Variants in RHOJ observed in about 807,000 individuals in gnomAD.
The protein encoded by RHOJ is rho-related GTP-binding protein RhoJ.
In RHOJ, 11 loss-of-function variants were observed where a neutral mutation model predicts 23.4. The ratio of observed to expected loss-of-function variants is 0.47; its 90% CI spans 0.30 to 0.78. The LOEUF (loss-of-function observed/expected upper bound fraction) is 0.78. RHOJ is among the 30% of genes least tolerant of loss of function. The probability of loss-of-function intolerance (pLI) is 0.08; values close to 1 mark genes in which losing one functional copy is unlikely to be tolerated. For missense variants in RHOJ, 254 were observed against 273.4 expected (o/e 0.93, Z 0.50); for synonymous variants, 102 against 102.7 (o/e 0.99, Z 0.04).
At position 63,257,274 on chromosome 14, in the gene RHOJ, C is replaced by T. The variant is rs1027460540; in HGVS notation, c.179-11836C>T. Among the ~76,000 whole-genome samples, 16 of 147,758 alleles carry T rather than the reference C, an allele frequency of 1.1e-4. 1 individual carries two copies. The highest frequency in any genetic ancestry group is 3.8e-4 in the African/African-American group (15 of 39,846). On this transcript the variant is annotated intron_variant, in intron 1 of 4. Coordinates refer to ENST00000316754, the MANE Select transcript of RHOJ (RefSeq NM_020663.5). ...AAAAAAAAAAGAGTCTCTTTACCAGCTCACCCCGACCCAGTCCCCAGCATC... is the reference window on the plus strand; with the variant it reads ...AAAAAAAAAAGAGTCTCTTTACCAGTTCACCCCGACCCAGTCCCCAGCATC...
chr14:63,284,835 T>G (rs980699605), intron 4 of RHOJ, among the ~76,000 whole-genome samples: 1 of 151,010 alleles, frequency 6.6e-6, no homozygotes, highest in Non-Finnish European at 1.5e-5. Flanking sequence ...GGGGAAGTTG[T>G]TTTTTTTCTG....
At chr14:63,241,473 A>C (rs916062606) in intron 1 of RHOJ, among the ~76,000 whole-genome samples, 6 of 152,150 alleles carry the variant, frequency 3.9e-5, no homozygotes, top group Admixed American at 3.3e-4. Context: ...ATGGCTTGCC[A>C]ATAGTTTTTG....
intron 2 of RHOJ, among the ~76,000 whole-genome samples, chr14:63,273,009 G>A (rs1205784796): frequency 6.6e-6 from 1 of 152,152 alleles, no homozygotes; most frequent in Non-Finnish European, 1.5e-5. Context: ...GGCAACAAGA[G>A]CAAAACTCCA....
Position 63,224,850 on chromosome 14 carries a change from T to A in RHOJ, c.178+19803T>A, listed in dbSNP as rs140992734. ...GAGCCCTGAGCTAACCCCCAGCCCC[T>A]CGACCCCATCTCAATTTTGGAAGTG... On this transcript the variant is annotated intron_variant, in intron 1 of 4. Coordinates refer to ENST00000316754, the MANE Select transcript of RHOJ (RefSeq NM_020663.5). Among the ~76,000 whole-genome samples, 607 of 152,168 alleles carry A rather than the reference T, an allele frequency of 4.0e-3. 2 individuals carry two copies. The highest frequency in any genetic ancestry group is 0.017 in the South Asian group (83 of 4,812).
intron 2 of RHOJ, among the ~76,000 whole-genome samples, chr14:63,276,118 T>C (rs1881711215): frequency 6.6e-6 from 1 of 152,252 alleles, no homozygotes; most frequent in Admixed American, 6.5e-5. Context: ...AACAGTCACC[T>C]GTGGTTCTGA....
intron 2 of RHOJ, among the ~76,000 whole-genome samples, chr14:63,274,913 A>G (rs546234554): frequency 6.6e-6 from 1 of 152,286 alleles, no homozygotes; most frequent in Admixed American, 6.5e-5. Context: ...AAAAAATCTG[A>G]GATAAATGTC....
At chr14:63,215,003 G>T (rs1894324023) in intron 1 of RHOJ, among the ~76,000 whole-genome samples, 2 of 152,152 alleles carry the variant, frequency 1.3e-5, no homozygotes, top group Non-Finnish European at 2.9e-5. Flanking sequence ...CTTTGGGGTG[G>T]TTTTGATGCA....
rs1339789136 is a variant in RHOJ, at chr14:63,217,182, A to C, written c.178+12135A>C. Among the ~76,000 whole-genome samples, 6 of 150,262 alleles carry C rather than the reference A, an allele frequency of 4.0e-5. No homozygotes were observed. The South Asian group carries it at 1.3e-3, about 32-fold the overall frequency. On this transcript the variant is annotated intron_variant, in intron 1 of 4. Coordinates refer to ENST00000316754, the MANE Select transcript of RHOJ (RefSeq NM_020663.5). ...TACATGTGCCATGCTGGTGCGCTGC[A>C]CCCACTAACTCGTCATCTAGCATTA...
intron 2 of RHOJ, among the ~76,000 whole-genome samples, chr14:63,270,850 T>C (rs1184373963): frequency 1.3e-5 from 2 of 152,242 alleles, no homozygotes; most frequent in African/African-American, 4.8e-5. Flanking sequence ...TGCTGCCCAG[T>C]CAGTTGTCCC....
chr14:63,214,936 C>G (rs1318079673), intron 1 of RHOJ, among the ~76,000 whole-genome samples: 1 of 152,044 alleles, frequency 6.6e-6, no homozygotes, highest in African/African-American at 2.4e-5. Flanking sequence ...TTAGAGAGCA[C>G]CTGCCCTCAT....
chr14:63,234,599 T>C (rs900817810), intron 1 of RHOJ, among the ~76,000 whole-genome samples: 60 of 152,322 alleles, frequency 3.9e-4, no homozygotes, highest in Non-Finnish European at 1.0e-4. Context: ...ATCTAAAGCC[T>C]TTGAATATAT....
chr14:63,284,166 T>C, intron 4 of RHOJ: 4 of 942,142 alleles, frequency 4.2e-6, no homozygotes, highest in Non-Finnish European at 5.1e-6. Flanking sequence ...ATTCTTCACT[T>C]ACAAAATTGT....
intron 1 of RHOJ, among the ~76,000 whole-genome samples, chr14:63,231,396 A>C (rs1159245408): frequency 6.6e-6 from 1 of 152,210 alleles, no homozygotes; most frequent in Non-Finnish European, 1.5e-5. Flanking sequence ...CAACTACTCA[A>C]ATAAAGTAAA....
intron 1 of RHOJ, among the ~76,000 whole-genome samples, chr14:63,251,950 A>G (rs1402070739): frequency 1.3e-5 from 2 of 151,964 alleles, no homozygotes; most frequent in Non-Finnish European, 2.9e-5. Flanking sequence ...GCAAAATCCC[A>G]TCTCTACTAA....
chr14:63,249,657 A>G (rs1286664757), intron 1 of RHOJ, among the ~76,000 whole-genome samples: 1 of 152,208 alleles, frequency 6.6e-6, no homozygotes, highest in Non-Finnish European at 1.5e-5. Context: ...ATTCCTTCTC[A>G]ATCTTGTTTT....
intron 1 of RHOJ, among the ~76,000 whole-genome samples, chr14:63,232,857 G>A (rs1233661615): frequency 1.3e-5 from 2 of 151,586 alleles, no homozygotes; most frequent in Non-Finnish European, 2.9e-5. Context: ...CCACCATGCT[G>A]GGCTAATTTT....
At chr14:63,257,535 C>T (rs1895192114) in intron 1 of RHOJ, among the ~76,000 whole-genome samples, 1 of 150,144 alleles carries the variant, frequency 6.7e-6, no homozygotes, top group Non-Finnish European at 1.5e-5. Flanking sequence ...GTGAGCCAGG[C>T]CCGAACAGCC....
intron 1 of RHOJ, among the ~76,000 whole-genome samples, chr14:63,212,588 G>A (rs987052585): frequency 1.3e-5 from 2 of 152,048 alleles, no homozygotes; most frequent in African/African-American, 2.4e-5. Context: ...GACAGGAATG[G>A]GATAATCAAA....
At chr14:63,226,280 G>A (rs1894593200) in intron 1 of RHOJ, among the ~76,000 whole-genome samples, 1 of 151,872 alleles carries the variant, frequency 6.6e-6, no homozygotes, top group South Asian at 2.1e-4. Context: ...CCTCTATGAA[G>A]AAAGAACACA....
Sources: allele counts gnomAD v4.1 joint callset (sites outside exome capture counted in the v4.1 genomes callset), GRCh38; gene constraint gnomAD v4.1.1; transcripts MANE v1.5; gene names NCBI Gene and HGNC (gene_info 2026-07-23, HGNC 2026-07-21).